The following DCDC2C variants were observed in gnomAD, a reference collection of about 807,000 sequenced individuals.
The protein encoded by DCDC2C is doublecortin domain-containing protein 2C.
DCDC2C carries 44 observed loss-of-function variants against 45.0 expected under a neutral mutation model. The ratio of observed to expected loss-of-function variants is 0.98; its 90% CI spans 0.77 to 1.26. The LOEUF (loss-of-function observed/expected upper bound fraction) is 1.26. DCDC2C is among the 50% of genes most tolerant of loss of function. The pLI is 0.00. For synonymous variants in DCDC2C, 187 were observed against 178.8 expected, an observed-to-expected ratio of 1.05 and a Z score of -0.37; for missense variants, 447 against 468.9, an observed-to-expected ratio of 0.95 and a Z score of 0.43.
At chr2:3,767,674 G>A in intron 6 of DCDC2C, 80 bp from the exon 7 acceptor site, 2 of 1,498,296 alleles carry the variant, frequency 1.3e-6, no homozygotes, top group Middle Eastern at 1.7e-4. Context: ...GTGTCTTCCT[G>A]ACCACACCCA....
intron 10 of DCDC2C, among the ~76,000 whole-genome samples, chr2:3,793,994 T>G (rs867141199): frequency 1.3e-5 from 2 of 152,258 alleles, no homozygotes; most frequent in Admixed American, 6.5e-5. Context: ...TCTTTGGTAC[T>G]ACACCAAAAC....
At chr2:3,705,641 C>T (rs989685984) in intron 1 of DCDC2C, among the ~76,000 whole-genome samples, 2 of 152,186 alleles carry the variant, frequency 1.3e-5, no homozygotes. Context: ...GCCACGAAGC[C>T]TGGAGTGTGC....
chr2:3,715,299 A>G (rs1207634697), intron 2 of DCDC2C, among the ~76,000 whole-genome samples: 2 of 152,120 alleles, frequency 1.3e-5, no homozygotes, highest in South Asian at 4.1e-4. Context: ...ACCTTTTTAT[A>G]TGTCCTACTA....
At chr2:3,781,575 AT>A (rs1670509096) in intron 9 of DCDC2C, among the ~76,000 whole-genome samples, 1 of 152,234 alleles carries the variant, frequency 6.6e-6, no homozygotes, top group Non-Finnish European at 1.5e-5. Flanking sequence ...ATAAATATGT[AT>A]TGTTCAGGCA....
At chr2:3,814,989 T>C (rs1437804954) in intron 10 of DCDC2C, among the ~76,000 whole-genome samples, 1 of 152,270 alleles carries the variant, frequency 6.6e-6, no homozygotes. Flanking sequence ...GTCCCAGTGC[T>C]GGCTGCTGCC....
intron 10 of DCDC2C, among the ~76,000 whole-genome samples, chr2:3,804,464 G>C (rs1314802021): frequency 6.6e-6 from 1 of 152,114 alleles, no homozygotes; most frequent in Non-Finnish European, 1.5e-5. Flanking sequence ...AATTCATAAA[G>C]GAAGGACCTA....
At chr2:3,793,032 C>T (rs922753446) in intron 10 of DCDC2C, among the ~76,000 whole-genome samples, 4 of 152,162 alleles carry the variant, frequency 2.6e-5, no homozygotes, top group African/African-American at 7.2e-5. Flanking sequence ...GTATAATTTC[C>T]GTTCAAGGCA....
chr2:3,830,526 CCTT>C (rs990038396), intron 10 of DCDC2C, among the ~76,000 whole-genome samples: 2 of 152,186 alleles, frequency 1.3e-5, no homozygotes, highest in Admixed American at 6.5e-5. Context: ...ATTAGATGCT[CCTT>C]CTTGGTTCCA....
intron 3 of DCDC2C, among the ~76,000 whole-genome samples, chr2:3,739,136 T>A (rs569786488): frequency 6.6e-6 from 1 of 152,354 alleles, no homozygotes; most frequent in South Asian, 2.1e-4. Flanking sequence ...AATTTACAGA[T>A]TTTTCTATTT....
chr2:3,836,677 A>G (rs1186070881), intron 10 of DCDC2C, among the ~76,000 whole-genome samples: 2 of 152,310 alleles, frequency 1.3e-5, no homozygotes, highest in East Asian at 1.9e-4. Context: ...CCTGGCTAAC[A>G]GGGTGAAACC....
At chr2:3,752,439 T>C in intron 4 of DCDC2C, 1 of 341,608 alleles carries the variant, frequency 2.9e-6, no homozygotes, top group South Asian at 2.7e-5. Context: ...TGTGGGCCAA[T>C]TTGTATTAAT....
intron 10 of DCDC2C, among the ~76,000 whole-genome samples, chr2:3,798,755 G>A (rs563240086): frequency 1.3e-5 from 2 of 152,124 alleles, no homozygotes; most frequent in South Asian, 4.2e-4. Flanking sequence ...TAGTCTGATG[G>A]GCTTCCCTTT....
At chr2:3,782,052 T>G (rs1670523775) in intron 9 of DCDC2C, among the ~76,000 whole-genome samples, 1 of 152,218 alleles carries the variant, frequency 6.6e-6, no homozygotes, top group Non-Finnish European at 1.5e-5. Flanking sequence ...CAGTCACGGC[T>G]ATGGTCTGGT....
Position 3,737,381 on chromosome 2 carries a change from A to T in DCDC2C, c.417-4539A>T, listed in dbSNP as rs1334197460. On this transcript the variant is annotated intron_variant, in intron 3 of 10. Transcript: ENST00000399143. ...GCAGGCGGCCAGCCCAGGATGTCAC[A>T]ATATGTTCATGGCCCGTTTACTACC... 2.0e-5 allele frequency among the ~76,000 whole-genome samples: 3 copies of T among 152,050 alleles called. No individual in the cohort carries two copies. In the East Asian group the frequency reaches 5.8e-4, roughly 29 times the overall value.
At chr2:3,718,530 T>C (rs1318635254) in intron 2 of DCDC2C, among the ~76,000 whole-genome samples, 1 of 152,104 alleles carries the variant, frequency 6.6e-6, no homozygotes, top group Non-Finnish European at 1.5e-5. Context: ...TCCCAAGGAG[T>C]GAACCTCACC....
intron 4 of DCDC2C, among the ~76,000 whole-genome samples, chr2:3,751,341 C>T (rs1338999432): frequency 6.6e-6 from 1 of 152,222 alleles, no homozygotes; most frequent in Non-Finnish European, 1.5e-5. Flanking sequence ...TCCCCAGGCC[C>T]CAGCGGGAGG....
At chr2:3,782,664 G>A (rs1325481254) in intron 9 of DCDC2C, among the ~76,000 whole-genome samples, 1 of 152,084 alleles carries the variant, frequency 6.6e-6, no homozygotes, top group Admixed American at 6.5e-5. Context: ...GTTTTTAGTA[G>A]AGACGGGGTT....
intron 4 of DCDC2C, among the ~76,000 whole-genome samples, chr2:3,747,388 C>A (rs1422256213): frequency 6.6e-6 from 1 of 152,224 alleles, no homozygotes; most frequent in Non-Finnish European, 1.5e-5. Context: ...TGAGTTTGCC[C>A]ATCTTGACTA....
chr2:3,783,798 T>G (rs1269447991), intron 9 of DCDC2C, among the ~76,000 whole-genome samples: 1 of 152,202 alleles, frequency 6.6e-6, no homozygotes, highest in Non-Finnish European at 1.5e-5. Context: ...AAGGTGGATA[T>G]TCAGTGAGTC....
Sources: gnomAD v4.1 joint callset for allele counts (sites outside exome capture counted in the v4.1 genomes callset) on GRCh38, gnomAD v4.1.1 for gene constraint, MANE v1.5 for transcripts, NCBI Gene and HGNC (gene_info 2026-07-23, HGNC 2026-07-21) for gene names.